Variants in VWA8 observed in about 807,000 individuals in gnomAD.
VWA8 encodes von Willebrand factor A domain containing 8.
A neutral mutation model predicts 241.5 loss-of-function variants in VWA8; 221 were observed. That is an observed-to-expected ratio of 0.91 (90% CI 0.82 to 1.02). The LOEUF is 1.02. VWA8 is among the 50% of genes least tolerant of loss of function. VWA8 has a pLI of 0.00. For missense variants in VWA8, 2,322 were observed against 2,328.7 expected, an observed-to-expected ratio of 1.00 and a Z score of 0.06; for synonymous variants, 852 against 827.1, an observed-to-expected ratio of 1.03 and a Z score of -0.52.
chr13:41,621,386 G>A (rs2044656260), intron 37 of VWA8, among the ~76,000 whole-genome samples: 1 of 152,132 alleles, frequency 6.6e-6, no homozygotes, highest in Non-Finnish European at 1.5e-5. Context: ...TGGGATGTAA[G>A]CCCGTTGTAA....
At chr13:41,703,903 T>A (rs1309176255) in intron 26 of VWA8, among the ~76,000 whole-genome samples, 6 of 151,932 alleles carry the variant, frequency 3.9e-5, no homozygotes, top group Non-Finnish European at 8.8e-5. Context: ...TTAGCCTTCC[T>A]GAGTAGCTGG....
At chr13:41,575,637 C>T in intron 43 of VWA8, 103 bp downstream of exon 43, 1 of 784,730 alleles carries the variant, frequency 1.3e-6, no homozygotes, top group Non-Finnish European at 2.0e-6. Flanking sequence ...GTGAAACAGT[C>T]TTTTTCTTTC....
At chr13:41,681,387 A>C (rs2045097449) in intron 35 of VWA8, among the ~76,000 whole-genome samples, 1 of 152,202 alleles carries the variant, frequency 6.6e-6, no homozygotes, top group African/African-American at 2.4e-5. Context: ...AATGTCATGA[A>C]TGATTTTTTT....
At chr13:41,841,333 C>T (rs1871988992) in intron 12 of VWA8, among the ~76,000 whole-genome samples, 1 of 152,112 alleles carries the variant, frequency 6.6e-6, no homozygotes, top group Admixed American at 6.5e-5. Flanking sequence ...GACTATGATG[C>T]TAACCACTCC....
intron 4 of VWA8, among the ~76,000 whole-genome samples, chr13:41,897,116 G>T (rs1875146585): frequency 6.6e-6 from 1 of 151,946 alleles, no homozygotes; most frequent in Admixed American, 6.5e-5. Flanking sequence ...ACAATATGTT[G>T]TTTACTCAAA....
intron 19 of VWA8, among the ~76,000 whole-genome samples, chr13:41,780,949 C>T (rs1868860300): frequency 6.6e-6 from 1 of 152,178 alleles, no homozygotes; most frequent in Non-Finnish European, 1.5e-5. Flanking sequence ...GTTCCACTGA[C>T]TTGATCTCCT....
At chr13:41,654,420 C>T (rs1481720398) in intron 37 of VWA8, among the ~76,000 whole-genome samples, 1 of 152,164 alleles carries the variant, frequency 6.6e-6, no homozygotes, top group African/African-American at 2.4e-5. Context: ...GCCCCAGGAC[C>T]TGGTTTCGTG....
chr13:41,758,391 T>TATATAC (rs1480398387), intron 21 of VWA8, among the ~76,000 whole-genome samples: 2 of 12,734 alleles, frequency 1.6e-4, no homozygotes, highest in African/African-American at 2.9e-4. Context: ...TATATATATA[T>TATATAC]ACGCTAGTAT....
chr13:41,692,852 T>C lies in VWA8; in HGVS notation c.3675+10A>G, dbSNP rs1344207113. On this transcript the variant is annotated intron_variant, in intron 30 of 44. Coordinates refer to ENST00000379310, the MANE Select transcript of VWA8 (RefSeq NM_015058.2). ...TTGGCAATTTGTGGGACAAATGTGG[T>C]GTTTCTTACAGCTTCTTCTTTGTTC... 2.5e-6 allele frequency: 4 copies of C among 1,593,512 alleles called. No individual in the cohort carries two copies. The highest frequency in any genetic ancestry group is 1.7e-6 in the Non-Finnish European group (2 of 1,163,908).
rs75224569 is a variant in VWA8, at chr13:41,888,829, T to A, written c.652-1468A>T. 6.3e-3 allele frequency among the ~76,000 whole-genome samples: 958 copies of A among 152,310 alleles called. 6 individuals are homozygous for A. The highest frequency in any genetic ancestry group is 0.022 in the African/African-American group (909 of 41,558). On this transcript the variant is annotated intron_variant, in intron 5 of 44. Coordinates refer to ENST00000379310, the MANE Select transcript of VWA8 (RefSeq NM_015058.2). ...ATGAACTAATTTTAAAAATAATAAT[T>A]ATTTCAATCATATTTTGGTATGAAT... is the stretch of plus-strand genomic sequence containing the variant.
intron 21 of VWA8, among the ~76,000 whole-genome samples, chr13:41,746,441 C>G (rs1481363747): frequency 1.3e-5 from 2 of 152,112 alleles, no homozygotes; most frequent in Admixed American, 1.3e-4. Flanking sequence ...GAGTCTGTAG[C>G]TCTGACTCAT....
chr13:41,663,835 A>C (rs1238509185), intron 37 of VWA8, among the ~76,000 whole-genome samples: 1 of 151,684 alleles, frequency 6.6e-6, no homozygotes, highest in Non-Finnish European at 1.5e-5. Flanking sequence ...CGATGTAGAA[A>C]AATTGTTAAA....
At chr13:41,573,515 C>G (rs1201251410) in intron 43 of VWA8, among the ~76,000 whole-genome samples, 2 of 130,510 alleles carry the variant, frequency 1.5e-5, no homozygotes, top group African/African-American at 6.3e-5. Flanking sequence ...ATACCTCTCT[C>G]TATATATACG....
intron 24 of VWA8, among the ~76,000 whole-genome samples, chr13:41,723,822 C>A (rs1031583568): frequency 6.6e-6 from 1 of 152,050 alleles, no homozygotes; most frequent in Non-Finnish European, 1.5e-5. Flanking sequence ...GGAGGAAGGT[C>A]TGGGTTGGAG....
Position 41,912,116 on chromosome 13 carries a change from C to G in VWA8, c.294G>C (p.Gln98His). Residue 98 changes from glutamine to histidine, a missense_variant, in exon 3 of 45, where the codon CAG (glutamine) becomes CAC (histidine). By Grantham distance (24) the Gln-to-His change is conservative. Coordinates refer to ENST00000379310, the MANE Select transcript of VWA8 (RefSeq NM_015058.2). The stretch of plus-strand genomic sequence containing the variant: ...AAACATCTTGCCCCAAAAGATCCTT[C>G]TGCATTATCCATCTTAGATGCTGAA... ...SVVQHLRWIM[Q>H]KDLLGQDVFL... The G allele has an allele frequency of 6.2e-7, 1 of 1,610,448 alleles. No individual in the cohort carries two copies. Among genetic ancestry groups the G allele is most frequent in the South Asian group, 1.1e-5 (1 of 90,508 alleles).
chr13:41,922,499 C>T (rs1876594768), intron 2 of VWA8, among the ~76,000 whole-genome samples: 1 of 152,164 alleles, frequency 6.6e-6, no homozygotes, highest in South Asian at 2.1e-4. Context: ...GAACAGGCAA[C>T]CTACAGAATG....
chr13:41,914,645 ATTAAAAAC>A (rs1255237390), intron 2 of VWA8, among the ~76,000 whole-genome samples: 1 of 152,196 alleles, frequency 6.6e-6, no homozygotes, highest in African/African-American at 2.4e-5. Flanking sequence ...CAAACATATA[ATTAAAAAC>A]TTAAAAACAC....
chr13:41,580,370 A>ATGAC (rs2044374947), intron 42 of VWA8, among the ~76,000 whole-genome samples: 1 of 152,218 alleles, frequency 6.6e-6, no homozygotes, highest in Non-Finnish European at 1.5e-5. Flanking sequence ...AACTGATAGG[A>ATGAC]TGACTGATCT....
Position 41,885,908 on chromosome 13 carries a change from T to A in VWA8, c.975+12A>T. 1 of 1,554,042 alleles carries A rather than the reference T, an allele frequency of 6.4e-7. No homozygotes were observed. The highest frequency in any genetic ancestry group is 8.7e-7 in the Non-Finnish European group (1 of 1,151,448). Reference sequence around the variant, plus strand: ...TATTTGGGTATGCCAGTCATTAATTTATTTTACTTACCAAGATTTGAACCG... The same window carrying A: ...TATTTGGGTATGCCAGTCATTAATTAATTTTACTTACCAAGATTTGAACCG... On this transcript the variant is annotated intron_variant, in intron 8 of 44. Coordinates refer to ENST00000379310, the MANE Select transcript of VWA8 (RefSeq NM_015058.2).
Sources: gnomAD v4.1 joint callset for allele counts (sites outside exome capture counted in the v4.1 genomes callset) on GRCh38, gnomAD v4.1.1 for gene constraint, MANE v1.5 for transcripts, NCBI Gene and HGNC (gene_info 2026-07-23, HGNC 2026-07-21) for gene names.